The following PIGG variants were observed in gnomAD, a reference collection of about 807,000 sequenced individuals.
The protein encoded by PIGG is phosphatidylinositol glycan anchor biosynthesis class G (EMM blood group), also known as GPI ethanolamine phosphate transferase 2, catalytic subunit.
A neutral mutation model predicts 83.2 loss-of-function variants in PIGG; 70 were observed. The observed-to-expected ratio is 0.84, with a 90% CI of 0.69 to 1.03. The LOEUF (loss-of-function observed/expected upper bound fraction) is 1.03. PIGG is among the 50% of genes least tolerant of loss of function. PIGG has a pLI of 0.00. For synonymous variants in PIGG, 532 were observed against 519.5 expected (o/e 1.02, Z -0.33); for missense variants, 1,257 against 1,233.6 (o/e 1.02, Z -0.28).
At chr4:522,021 T>C (rs1726091171) in intron 8 of PIGG, 80 bp downstream of exon 8, 1 of 1,480,114 alleles carries the variant, frequency 6.8e-7, no homozygotes, top group African/African-American at 1.4e-5. Context: ...GCCTTTCGTT[T>C]ACCAGACTCT....
At chr4:538,690 A>T (rs1021943841) in intron 12 of PIGG, among the ~76,000 whole-genome samples, 1 of 152,116 alleles carries the variant, frequency 6.6e-6, no homozygotes, top group Non-Finnish European at 1.5e-5. Flanking sequence ...ACCTCTGCCC[A>T]CCCCAGACCA....
At chr4:522,511 A>T (rs1302275085) in intron 8 of PIGG, 1 of 189,278 alleles carries the variant, frequency 5.3e-6, no homozygotes, top group Non-Finnish European at 1.1e-5. Flanking sequence ...TGAGGCAGTG[A>T]GGAAGAGGCG....
At chr4:508,705 A>AG in intron 4 of PIGG, 124 bp from the exon 5 acceptor site, 2 of 825,974 alleles carry the variant, frequency 2.4e-6, no homozygotes, top group South Asian at 3.4e-5. Flanking sequence ...GGAAAAAAAA[A>AG]TCTAATTCAT....
At position 539,315 on chromosome 4, in the gene PIGG, T is replaced by C; in HGVS notation, c.2898T>C (p.Ala966=). 1 of 1,613,852 alleles carries C rather than the reference T, an allele frequency of 6.2e-7. No homozygotes were observed. Among genetic ancestry groups the C allele is most frequent in the Non-Finnish European group, 8.5e-7 (1 of 1,179,738 alleles). Residue 966 remains alanine, a synonymous_variant, in exon 13 of 13, where the codon GCT becomes GCC. Transcript: ENST00000453061. ...AGGGAATGCACCTGCTCATTACAGC[T>C]GCTGTCTGTGTATTCTTCACGGCAA... ...LYEGMHLLIT[A]AVCVFFTAMD...
rs919526942 is a variant in PIGG at position 521,872 on chromosome 4, C to T, written c.1545C>T (p.Ala515=). ...WLAAGGVMVL[A]SALLCVIVSV... The stretch of plus-strand genomic sequence containing the variant: ...CGGCAGGTGGGGTGATGGTGCTGGC[C>T]TCGGCGCTGCTGTGTGTGATTGTGT... The change falls in exon 8 of 13, where the codon GCC becomes GCT. Residue 515 remains alanine (A), a synonymous_variant. Coordinates refer to ENST00000453061, the MANE Select transcript of PIGG (RefSeq NM_001127178.3). 1.2e-6 allele frequency: 2 copies of T among 1,614,046 alleles called. No individual in the cohort carries two copies. Among genetic ancestry groups the T allele is most frequent in the Non-Finnish European group, 1.7e-6 (2 of 1,180,030 alleles).
chr4:534,794 T>A (rs1240652895), intron 12 of PIGG, among the ~76,000 whole-genome samples: 1 of 150,542 alleles, frequency 6.6e-6, no homozygotes, highest in Non-Finnish European at 1.5e-5. Flanking sequence ...CCCCGGGGGA[T>A]CCCAGATCAA....
rs1727240869 is a variant in PIGG at position 525,188 on chromosome 4, G to T, written c.2069+1275G>T. 4.1e-6 allele frequency: 4 copies of T among 984,870 alleles called. No individual in the cohort carries two copies. The South Asian group carries it at 1.4e-4, about 35-fold the overall frequency. The allele number at this position is 984,870 out of a possible 1,614,324, so 61.0% of individuals were successfully genotyped here. A position where few individuals can be genotyped will look rare whatever the true frequency, so the allele number is the denominator to read the frequency against. ...TCCTGAAGGGACAGAGCCGTGTGGG[G>T]GAATTCAGCCACCTCCTGAGCCTTT... On this transcript the variant is annotated intron_variant, in intron 9 of 12. Coordinates refer to ENST00000453061, the MANE Select transcript of PIGG (RefSeq NM_001127178.3).
chr4:507,864 C>CT (rs1397208088), intron 4 of PIGG, among the ~76,000 whole-genome samples: 1 of 152,130 alleles, frequency 6.6e-6, no homozygotes, highest in Admixed American at 6.5e-5. Context: ...GTGCCACTCT[C>CT]TCTGTTCTGT....
chr4:527,066 C>T lies in PIGG; in HGVS notation c.2097C>T (p.Val699=). 2 of 1,614,146 alleles carry T rather than the reference C, an allele frequency of 1.2e-6. No individual in the cohort carries two copies. Among genetic ancestry groups the T allele is most frequent in the Non-Finnish European group, 1.7e-6 (2 of 1,180,016 alleles). Residue 699 remains valine (V), a synonymous_variant, in exon 10 of 13, where the codon GTC becomes GTT. Coordinates refer to ENST00000453061, the MANE Select transcript of PIGG (RefSeq NM_001127178.3). Reference sequence around the variant, plus strand: ...CTGACCACAAAGCCGAGCTCTCTGTCCTGGCTGCCCTCTCCCTCCTCGTAG... The same window carrying T: ...CTGACCACAAAGCCGAGCTCTCTGTTCTGGCTGCCCTCTCCCTCCTCGTAG... ...TSSDHKAELS[V]LAALSLLVVF...
In PIGG at chr4:505,932, G is replaced by A. The variant is rs2108789615; in HGVS notation, c.570+5G>A. 2 of 1,594,802 alleles carry A rather than the reference G, an allele frequency of 1.3e-6. No individual in the cohort carries two copies. The highest frequency in any genetic ancestry group is 1.7e-6 in the Non-Finnish European group (2 of 1,164,126). On this transcript the variant is annotated splice_donor_5th_base_variant and intron_variant, in intron 3 of 12. Transcript: ENST00000453061. ...TTCGTGTCAGATTACACAGAGGTCA[G>A]TTTTTAAAATAAGAAAATATATCAT...
At chr4:503,276 G>C (rs904018035) in intron 2 of PIGG, among the ~76,000 whole-genome samples, 4 of 152,032 alleles carry the variant, frequency 2.6e-5, no homozygotes, top group Admixed American at 6.6e-5. Context: ...CCTTTTCTTG[G>C]CCCAAATCAC....
At chr4:535,027 A>G (rs1011978086) in intron 12 of PIGG, among the ~76,000 whole-genome samples, 1 of 152,114 alleles carries the variant, frequency 6.6e-6, no homozygotes, top group Non-Finnish European at 1.5e-5. Flanking sequence ...CTGCTTCCTC[A>G]TCGTATGTTT....
rs377411343 is a variant in PIGG, at chr4:521,949, C to T, written c.1614+8C>T. Reference sequence around the variant, plus strand: ...GGAAACACCCCAAGGAAGGTACGTACGGCTGGTTCCTGGGAGTGTGACGTA... The same window carrying T: ...GGAAACACCCCAAGGAAGGTACGTATGGCTGGTTCCTGGGAGTGTGACGTA... On this transcript the variant is annotated splice_region_variant and intron_variant, in intron 8 of 12. Coordinates refer to ENST00000453061, the MANE Select transcript of PIGG (RefSeq NM_001127178.3). 192 of 1,613,656 alleles carry T rather than the reference C, an allele frequency of 1.2e-4. 1 individual carries two copies. The highest frequency in any genetic ancestry group is 3.3e-4 in the Middle Eastern group (2 of 6,084).
Position 500,533 on chromosome 4 carries a change from G to C in PIGG, c.292G>C (p.Glu98Gln). ...TATGCCCTACACAACTTACCTTGTGGAAAAAGGAGCATCTCACAGTTTTGT... is the reference window on the plus strand; with the variant it reads ...TATGCCCTACACAACTTACCTTGTGCAAAAAGGAGCATCTCACAGTTTTGT... ...KFMPYTTYLV[E>Q]KGASHSFVAE... is the part of the protein sequence containing the mutation. Residue 98 changes from glutamate to glutamine, a missense_variant, in exon 2 of 13, where the codon GAA (glutamate) becomes CAA (glutamine). By Grantham distance (29) the Glu-to-Gln change is conservative. Coordinates refer to ENST00000453061, the MANE Select transcript of PIGG (RefSeq NM_001127178.3). 1 of 1,613,564 alleles carries C rather than the reference G, an allele frequency of 6.2e-7. No homozygotes were observed. The highest frequency in any genetic ancestry group is 8.5e-7 in the Non-Finnish European group (1 of 1,179,458).
chr4:514,157 A>G (rs1338740297), intron 5 of PIGG, among the ~76,000 whole-genome samples: 2 of 152,178 alleles, frequency 1.3e-5, no homozygotes, highest in African/African-American at 4.8e-5. Flanking sequence ...TTACTGGCCA[A>G]TTACAGCCAA....
chr4:507,899 T>C (rs1553880803), intron 4 of PIGG, among the ~76,000 whole-genome samples: 3 of 152,140 alleles, frequency 2.0e-5, no homozygotes, highest in African/African-American at 4.8e-5. Context: ...TCTGTGCCAC[T>C]CTGTTCTGTG....
intron 1 of PIGG, chr4:499,874 C>T: frequency 3.0e-6 from 1 of 334,540 alleles, no homozygotes; most frequent in African/African-American, 2.2e-5. Context: ...CTGCCGATCC[C>T]CTCGCGTTTT....
At position 521,785 on chromosome 4, in the gene PIGG, T is replaced by C; in HGVS notation, c.1458T>C (p.Val486=). 1 of 1,614,230 alleles carries C rather than the reference T, an allele frequency of 6.2e-7. No homozygotes were observed. Among genetic ancestry groups the C allele is most frequent in the South Asian group, 1.1e-5 (1 of 91,090 alleles). Reference sequence around the variant, plus strand: ...TGGTGATCCTGGTTCTTTCGGCCGTTCACGTCATTGTGTGCACCTCAGCTG... The same window carrying C: ...TGGTGATCCTGGTTCTTTCGGCCGTCCACGTCATTGTGTGCACCTCAGCTG... ...FYLVILVLSA[V]HVIVCTSAES... The change falls in exon 8 of 13, where the codon GTT becomes GTC. Residue 486 remains valine (V), a synonymous_variant. Coordinates refer to ENST00000453061, the MANE Select transcript of PIGG (RefSeq NM_001127178.3).
intron 6 of PIGG, 53 bp from the exon 7 acceptor site, chr4:521,003 A>G (rs1725684000): frequency 8.2e-7 from 1 of 1,216,812 alleles, no homozygotes. Flanking sequence ...ATGTATATAA[A>G]TGTATGTTCA....
Sources: gnomAD v4.1 joint callset for allele counts (sites outside exome capture counted in the v4.1 genomes callset) on GRCh38, gnomAD v4.1.1 for gene constraint, MANE v1.5 for transcripts, NCBI Gene and HGNC (gene_info 2026-07-23, HGNC 2026-07-21) for gene names.